TMEM178B: variants seen among roughly 807,000 people sequenced by gnomAD.
TMEM178B encodes the protein transmembrane protein 178B.
A neutral mutation model predicts 31.0 loss-of-function variants in TMEM178B; 5 were observed. The ratio of observed to expected loss-of-function variants is 0.16; its 90% confidence interval spans 0.08 to 0.34. The LOEUF (loss-of-function observed/expected upper bound fraction) is 0.34. Among genes scored for constraint, TMEM178B ranks in the 10% least tolerant of loss-of-function variants. The pLI is 1.00. For synonymous variants in TMEM178B, 164 were observed against 164.0 expected (o/e 1.00, Z 0.00); for missense variants, 275 against 400.3 (o/e 0.69, Z 2.67).
At chr7:141,333,838 C>T (rs1799337396) in intron 2 of TMEM178B, among the ~76,000 whole-genome samples, 3 of 152,198 alleles carry the variant, frequency 2.0e-5, no homozygotes, top group Non-Finnish European at 1.5e-5. Flanking sequence ...TAAAGGAGCG[C>T]GCAATCTAGA....
At chr7:141,364,398 C>T (rs1043781903) in intron 2 of TMEM178B, among the ~76,000 whole-genome samples, 1 of 152,092 alleles carries the variant, frequency 6.6e-6, no homozygotes, top group Non-Finnish European at 1.5e-5. Context: ...CGGTGGCTCA[C>T]GCCTGTAATC....
Position 141,330,056 on chromosome 7 carries a change from CTGA to C in TMEM178B, c.497-107551_497-107549del, listed in dbSNP as rs960834215. ...AACCCTGAGAAATTTAATCTTCACC[CTGA>C]GGGCAGTAGGATCCTATTGAAGGGC... is the stretch of plus-strand genomic sequence containing the variant. On this transcript the variant is annotated intron_variant, in intron 2 of 3. Transcript: ENST00000565468. 1.8e-3 allele frequency among the ~76,000 whole-genome samples: 266 copies of C among 151,634 alleles called. 2 individuals are homozygous for C. The highest frequency in any genetic ancestry group is 6.1e-3 in the African/African-American group (254 of 41,382).
At chr7:141,330,797 C>T (rs912226359) in intron 2 of TMEM178B, among the ~76,000 whole-genome samples, 7 of 152,110 alleles carry the variant, frequency 4.6e-5, no homozygotes, top group African/African-American at 7.2e-5. Flanking sequence ...ATATATGTTT[C>T]GCTGGAGGTG....
At chr7:141,190,004 T>G (rs1238039761) in intron 1 of TMEM178B, among the ~76,000 whole-genome samples, 1 of 152,202 alleles carries the variant, frequency 6.6e-6, no homozygotes, top group African/African-American at 2.4e-5. Context: ...CTTCACCTTG[T>G]TTTGTTTTTT....
intron 1 of TMEM178B, among the ~76,000 whole-genome samples, chr7:141,125,177 A>G (rs554436681): frequency 1.5e-4 from 23 of 152,354 alleles, no homozygotes; most frequent in Non-Finnish European, 2.5e-4. Context: ...GACATTCTCA[A>G]GTGTCTCCAA....
At chr7:141,084,668 C>T (rs1435520753) in intron 1 of TMEM178B, among the ~76,000 whole-genome samples, 1 of 152,088 alleles carries the variant, frequency 6.6e-6, no homozygotes, top group African/African-American at 2.4e-5. Context: ...AGTTATGAGC[C>T]CCGACTAGGT....
At chr7:141,338,860 A>C (rs1235337660) in intron 2 of TMEM178B, among the ~76,000 whole-genome samples, 1 of 152,214 alleles carries the variant, frequency 6.6e-6, no homozygotes, top group Admixed American at 6.5e-5. Context: ...TATTTTAGAA[A>C]ATAGGGCCTT....
chr7:141,108,342 G>A (rs985059207), intron 1 of TMEM178B, among the ~76,000 whole-genome samples: 6 of 152,176 alleles, frequency 3.9e-5, no homozygotes, highest in African/African-American at 1.2e-4. Context: ...AGGGAGAATC[G>A]TTAGAGTGAT....
At chr7:141,491,209 T>G in the TMEM178B span, among the ~76,000 whole-genome samples, 7 of 151,948 alleles carry the variant, frequency 4.6e-5, no homozygotes, top group Non-Finnish European at 8.8e-5. Context: ...TGTTTTTAAT[T>G]TTTAGTAGAG....
chr7:141,270,582 C>A (rs216996), intron 2 of TMEM178B, among the ~76,000 whole-genome samples: 100,823 of 152,054 alleles, frequency 0.66, 34,472 homozygotes, highest in African/African-American at 0.82. Flanking sequence ...TTTTGTTGCT[C>A]TTCTTTCCAG....
chr7:141,357,449 T>A (rs1271286441), intron 2 of TMEM178B, among the ~76,000 whole-genome samples: 2 of 152,218 alleles, frequency 1.3e-5, no homozygotes, highest in African/African-American at 2.4e-5. Context: ...TAAGCATAGA[T>A]CATTGTCTTT....
chr7:141,128,563 A>G (rs1280201609), intron 1 of TMEM178B, among the ~76,000 whole-genome samples: 1 of 152,054 alleles, frequency 6.6e-6, no homozygotes, highest in Non-Finnish European at 1.5e-5. Context: ...GCTCCAAAAT[A>G]TGTTAAACAA....
chr7:141,251,535 A>G (rs1008634488), intron 2 of TMEM178B, among the ~76,000 whole-genome samples: 3 of 152,152 alleles, frequency 2.0e-5, no homozygotes, highest in African/African-American at 7.2e-5. Context: ...TAGGTGCATG[A>G]TATAGAGTTC....
chr7:141,360,519 T>C (rs1472801996), intron 2 of TMEM178B, among the ~76,000 whole-genome samples: 4 of 152,246 alleles, frequency 2.6e-5, no homozygotes, highest in African/African-American at 9.6e-5. Context: ...CTGCTTGGCA[T>C]GCTAGTGCAC....
chr7:141,232,185 C>G (rs780836040), intron 2 of TMEM178B, among the ~76,000 whole-genome samples: 2 of 152,100 alleles, frequency 1.3e-5, no homozygotes, highest in Non-Finnish European at 2.9e-5. Flanking sequence ...GTACATGTAC[C>G]ACATTTTCTT....
rs151150443 is a variant in TMEM178B, at chr7:141,217,269, C to T, written c.496+4565C>T. Among the ~76,000 whole-genome samples the T allele has an allele frequency of 1.1e-3, 170 of 152,338 alleles. 3 individuals carry two copies. Among genetic ancestry groups the T allele is most frequent in the African/African-American group, 3.8e-3 (158 of 41,574 alleles). Reference sequence around the variant, plus strand: ...CTTGTTCTCCCCACCACAGGCATTGCCCTTTCAGCACAGGTGGGGCCTGGG... The same window carrying T: ...CTTGTTCTCCCCACCACAGGCATTGTCCTTTCAGCACAGGTGGGGCCTGGG... On this transcript the variant is annotated intron_variant, in intron 2 of 3. Transcript: ENST00000565468.
At chr7:141,388,686 G>A (rs1256368736) in intron 2 of TMEM178B, among the ~76,000 whole-genome samples, 1 of 152,104 alleles carries the variant, frequency 6.6e-6, no homozygotes, top group South Asian at 2.1e-4. Context: ...ACCAATCACT[G>A]CAACATAAGT....
intron 2 of TMEM178B, chr7:141,430,297 T>C (rs1801400191): frequency 6.6e-6 from 1 of 152,246 alleles, no homozygotes; most frequent in South Asian, 2.1e-4. Flanking sequence ...TATGTGCTCA[T>C]GTATGGCAAA....
rs1042732310 is a variant in TMEM178B at position 141,478,526 on chromosome 7, T to C, written c.*7740T>C. 2.6e-5 allele frequency: 4 copies of C among 152,200 alleles called. No homozygotes were observed. Among genetic ancestry groups the C allele is most frequent in the Non-Finnish European group, 5.9e-5 (4 of 68,026 alleles). 9.4% of individuals were successfully genotyped at this position (152,200 alleles called of 1,614,324 possible). ...ATGGAACCATGATCCAAGCCACATA[T>C]GCAATTTAAAATATTCTAGTAGCCA... On this transcript the variant is annotated 3_prime_UTR_variant, in exon 4 of 4. Transcript: ENST00000565468.
Sources: gnomAD v4.1 joint callset for allele counts (sites outside exome capture counted in the v4.1 genomes callset) on GRCh38, gnomAD v4.1.1 for gene constraint, MANE v1.5 for transcripts, NCBI Gene and HGNC (gene_info 2026-07-23, HGNC 2026-07-21) for gene names.